The following EYS variants were observed in gnomAD, a reference collection of about 807,000 sequenced individuals.
EYS encodes the protein EGF-like photoreceptor maintenance factor, also known as protein eyes shut homolog.
A neutral mutation model predicts 282.1 loss-of-function variants in EYS; 250 were observed. That is an observed-to-expected ratio of 0.89 (90% confidence interval 0.80 to 0.98). EYS has a LOEUF of 0.98. EYS is among the 50% of genes least tolerant of loss of function. The probability of loss-of-function intolerance (pLI) is 0.00; values close to 1 mark genes in which losing one functional copy is unlikely to be tolerated. For synonymous variants in EYS, 1,355 were observed against 1,282.9 expected (o/e 1.06, Z -1.20); for missense variants, 4,016 against 3,709.0 (o/e 1.08, Z -2.15).
intron 35 of EYS, among the ~76,000 whole-genome samples, chr6:63,952,707 T>C (rs1582021704): frequency 1.3e-5 from 2 of 152,194 alleles, no homozygotes; most frequent in South Asian, 4.1e-4. Flanking sequence ...ACCTCATTGC[T>C]GCCCTTTTCC....
chr6:64,734,087 T>A (rs1222878858), intron 22 of EYS, among the ~76,000 whole-genome samples: 1 of 149,942 alleles, frequency 6.7e-6, no homozygotes, highest in Non-Finnish European at 1.5e-5. Context: ...GCTTACCCAA[T>A]CACGAATCTT....
At chr6:64,618,622 G>A (rs146113007) in intron 23 of EYS, among the ~76,000 whole-genome samples, 1 of 152,112 alleles carries the variant, frequency 6.6e-6, no homozygotes, top group Non-Finnish European at 1.5e-5. Context: ...GAGGTACTTA[G>A]AAATGATTTA....
At chr6:64,810,887 T>TA in intron 22 of EYS, among the ~76,000 whole-genome samples, 1 of 152,030 alleles carries the variant, frequency 6.6e-6, no homozygotes, top group East Asian at 1.9e-4. Context: ...AAAAATAGTA[T>TA]AAAGATAATA....
At chr6:64,043,730 CTG>C (rs975596087) in intron 33 of EYS, among the ~76,000 whole-genome samples, 5 of 152,194 alleles carry the variant, frequency 3.3e-5, no homozygotes, top group Non-Finnish European at 7.3e-5. Flanking sequence ...CTCTCTAACA[CTG>C]TTTTGCTGTA....
chr6:64,216,874 G>C (rs2150330823), intron 31 of EYS, among the ~76,000 whole-genome samples: 1 of 152,200 alleles, frequency 6.6e-6, no homozygotes, highest in East Asian at 1.9e-4. Context: ...AGAAACTGAA[G>C]GTCAAAAAAG....
At chr6:65,169,582 G>T (rs181085743) in intron 12 of EYS, among the ~76,000 whole-genome samples, 13 of 151,210 alleles carry the variant, frequency 8.6e-5, no homozygotes, top group African/African-American at 3.1e-4. Context: ...TTTCAATTAT[G>T]GTACTTTTTA....
chr6:64,886,961 T>C (rs868135226), intron 18 of EYS, 119 bp from the exon 19 acceptor site: 3 of 689,324 alleles, frequency 4.4e-6, no homozygotes, highest in South Asian at 5.6e-5. Context: ...AAATAATATA[T>C]GTATTTCATT....
At chr6:64,101,004 T>C (rs1772806924) in intron 31 of EYS, among the ~76,000 whole-genome samples, 1 of 152,174 alleles carries the variant, frequency 6.6e-6, no homozygotes, top group Non-Finnish European at 1.5e-5. Flanking sequence ...TGTCTCATGC[T>C]GGCCTTGAAA....
chr6:64,886,590 C>T, intron 19 of EYS, 107 bp downstream of exon 19: 1 of 818,188 alleles, frequency 1.2e-6, no homozygotes, highest in Non-Finnish European at 1.7e-6. Flanking sequence ...CATTTTTGCC[C>T]TGTTTGCATC....
chr6:63,937,338 CTCTTT>C (rs1397266688), intron 35 of EYS, among the ~76,000 whole-genome samples: 7,306 of 64,676 alleles, frequency 0.11, 1,381 homozygotes, highest in Middle Eastern at 0.15. Flanking sequence ...CTAGGCTTCT[CTCTTT>C]TCTTTTTTTT....
At chr6:65,200,253 A>C (rs1340610859) in intron 12 of EYS, among the ~76,000 whole-genome samples, 1 of 151,824 alleles carries the variant, frequency 6.6e-6, no homozygotes, top group Non-Finnish European at 1.5e-5. Context: ...CTATTTGATG[A>C]GGGAGTAGTG....
At chr6:64,890,823 G>T (rs1767268626) in intron 18 of EYS, among the ~76,000 whole-genome samples, 1 of 152,166 alleles carries the variant, frequency 6.6e-6, no homozygotes, top group East Asian at 1.9e-4. Context: ...ACTATGTGAA[G>T]AATTGTTTTT....
intron 14 of EYS, among the ~76,000 whole-genome samples, chr6:64,951,341 G>C (rs558235613): frequency 2.0e-5 from 3 of 151,738 alleles, no homozygotes; most frequent in Non-Finnish European, 4.4e-5. Context: ...CAGCTTTAAC[G>C]GCATGAAAAC....
At chr6:64,627,594 A>G (rs1767647787) in intron 22 of EYS, among the ~76,000 whole-genome samples, 1 of 152,198 alleles carries the variant, frequency 6.6e-6, no homozygotes, top group South Asian at 2.1e-4. Context: ...AGCTAGCCAA[A>G]TTTAGCCACT....
chr6:65,603,132 A>G (rs1354908667), intron 2 of EYS, among the ~76,000 whole-genome samples: 1 of 151,938 alleles, frequency 6.6e-6, no homozygotes, highest in Non-Finnish European at 1.5e-5. Flanking sequence ...GTAGCATTCA[A>G]GACTCTAAAG....
At chr6:65,359,973 A>G (rs1392143067) in intron 8 of EYS, among the ~76,000 whole-genome samples, 1 of 151,964 alleles carries the variant, frequency 6.6e-6, no homozygotes, top group African/African-American at 2.4e-5. Flanking sequence ...AAACCTTTAT[A>G]CTTAGGTTTC....
chr6:63,975,303 CA>C (rs1562127024), intron 35 of EYS, among the ~76,000 whole-genome samples: 9 of 151,844 alleles, frequency 5.9e-5, no homozygotes, highest in Non-Finnish European at 2.9e-5. Context: ...ATCCCACGAT[CA>C]TTACACTGCT....
intron 29 of EYS, among the ~76,000 whole-genome samples, chr6:64,385,938 A>C (rs1561963618): frequency 6.6e-6 from 1 of 152,048 alleles, no homozygotes; most frequent in Non-Finnish European, 1.5e-5. Context: ...CTAATTTGGC[A>C]TGTACCTCTT....
intron 12 of EYS, among the ~76,000 whole-genome samples, chr6:65,288,422 A>G (rs1768430441): frequency 6.6e-6 from 1 of 150,574 alleles, no homozygotes; most frequent in African/African-American, 2.4e-5. Flanking sequence ...TTATAGGACT[A>G]AGAATACGAG....
Sources: gnomAD v4.1 joint callset for allele counts (sites outside exome capture counted in the v4.1 genomes callset) on GRCh38, gnomAD v4.1.1 for gene constraint, MANE v1.5 for transcripts, NCBI Gene and HGNC (gene_info 2026-07-23, HGNC 2026-07-21) for gene names.